SLC8A1: variants seen among roughly 807,000 people sequenced by gnomAD.
The protein encoded by SLC8A1 is solute carrier family 8 member A1.
Under a neutral mutation model 68.3 loss-of-function variants are expected in SLC8A1, and 18 were observed. The observed-to-expected ratio is 0.26, with a 90% CI of 0.18 to 0.39. The LOEUF (loss-of-function observed/expected upper bound fraction) is 0.39, where lower values mean the gene tolerates loss of function less well. Ranked by LOEUF, SLC8A1 falls within the 10% of genes least tolerant of loss-of-function variation. The probability of loss-of-function intolerance (pLI) is 1.00; values close to 1 mark genes in which losing one functional copy is unlikely to be tolerated. For missense variants in SLC8A1, 985 were observed against 1,156.7 expected (o/e 0.85, Z 2.15); for synonymous variants, 475 against 415.5 (o/e 1.14, Z -1.74).
At chr2:40,178,277 T>A in intron 2 of SLC8A1, 110 bp downstream of exon 3, 1 of 825,524 alleles carries the variant, frequency 1.2e-6, no homozygotes, top group Non-Finnish European at 2.1e-6. Context: ...CCCTGTTACA[T>A]AGGTGGAGGG....
chr2:40,442,803 A>G (rs1230358725), intron 1 of SLC8A1, among the ~76,000 whole-genome samples: 1 of 152,210 alleles, frequency 6.6e-6, no homozygotes, highest in African/African-American at 2.4e-5. Flanking sequence ...ACACATGTAC[A>G]CATACGTGTA....
At position 40,470,098 on chromosome 2, in the gene SLC8A1, C is replaced by T. The variant is rs550971080; in HGVS notation, c.-24-39794G>A. On this transcript the variant is annotated intron_variant, in intron 1 of 7. Coordinates refer to the SLC8A1 transcript ENST00000402441. ...TCACTGAATTCTACTTACGCACACT[C>T]TTTCCCTATTTTTCTGCATACTCTT... is the stretch of plus-strand genomic sequence containing the variant. 5.9e-5 allele frequency among the ~76,000 whole-genome samples: 9 copies of T among 152,232 alleles called. No individual in the cohort carries two copies. In the South Asian group the frequency reaches 1.9e-3, roughly 32 times the overall value.
chr2:40,194,508 C>T (rs113623773), intron 2 of SLC8A1, among the ~76,000 whole-genome samples: 16,522 of 107,544 alleles, frequency 0.15, 1,000 homozygotes, highest in Admixed American at 0.22. Context: ...TGTGTGTGTG[C>T]GCGCGCAAAG....
chr2:40,116,856 C>T (rs2035542846), intron 7 of SLC8A1: 1 of 152,202 alleles, frequency 6.6e-6, no homozygotes, highest in Non-Finnish European at 1.5e-5. Flanking sequence ...GGTTGAACAA[C>T]AGTGACTTAA....
intron 2 of SLC8A1, among the ~76,000 whole-genome samples, chr2:40,321,017 G>T (rs1332187505): frequency 6.6e-6 from 1 of 152,108 alleles, no homozygotes; most frequent in East Asian, 1.9e-4. Flanking sequence ...AAGCCACAGG[G>T]AAGAGGCTGT....
intron 2 of SLC8A1, among the ~76,000 whole-genome samples, chr2:40,206,802 A>T (rs992112470): frequency 3.3e-5 from 5 of 152,046 alleles, no homozygotes; most frequent in Admixed American, 6.6e-5. Context: ...CTCAAAAACA[A>T]GTTTTATAAT....
At chr2:40,222,255 G>C (rs556901054) in intron 2 of SLC8A1, among the ~76,000 whole-genome samples, 1 of 152,044 alleles carries the variant, frequency 6.6e-6, no homozygotes, top group East Asian at 1.9e-4. Flanking sequence ...TGACAAACCT[G>C]ACCAAAACAA....
chr2:40,200,249 T>TATAAATATATAA (rs1553408010), intron 2 of SLC8A1, among the ~76,000 whole-genome samples: 2 of 26,980 alleles, frequency 7.4e-5, no homozygotes, highest in Non-Finnish European at 2.1e-4. Context: ...AATATATATA[T>TATAAATATATAA]ATATATATAT....
chr2:40,099,175 C>G (rs2033749329), exon 8 of SLC8A1: 1 of 152,018 alleles, frequency 6.6e-6, no homozygotes, highest in Non-Finnish European at 1.5e-5. Flanking sequence ...ATGTATACCT[C>G]TATTCCCCCA....
intron 1 of SLC8A1, among the ~76,000 whole-genome samples, chr2:40,480,721 C>A (rs1704575073): frequency 6.6e-6 from 1 of 152,114 alleles, no homozygotes; most frequent in African/African-American, 2.4e-5. Flanking sequence ...CTGGGCATGT[C>A]AAGTGCTCTA....
chr2:40,451,642 G>GGCAGGCAC lies in SLC8A1; in HGVS notation c.-25+254_-25+261dup, dbSNP rs1036202908. ...CTCCGGCAGCCTGCACTGGCAGGCA[G>GGCAGGCAC]GCAGGCACCCTCACGCCCAGACGCA... On this transcript the variant is annotated intron_variant, in intron 1 of 7. Transcript: ENST00000406785. Among the ~76,000 whole-genome samples the GGCAGGCAC allele has an allele frequency of 8.5e-5, 13 of 152,062 alleles. No individual in the cohort carries two copies. In the East Asian group the frequency reaches 1.4e-3, roughly 16 times the overall value.
At chr2:40,456,344 T>C (rs1223993291), upstream of SLC8A1, among the ~76,000 whole-genome samples, 4 of 124,852 alleles carry the variant, frequency 3.2e-5, no homozygotes, top group African/African-American at 8.6e-5. Flanking sequence ...AAAAAAAGAA[T>C]TGGGTTTGTA....
At chr2:40,285,908 G>C (rs1294000276) in intron 2 of SLC8A1, among the ~76,000 whole-genome samples, 2 of 152,104 alleles carry the variant, frequency 1.3e-5, no homozygotes, top group African/African-American at 2.4e-5. Flanking sequence ...TTTGCCTGAA[G>C]TTCCTTATAT....
intron 2 of SLC8A1, among the ~76,000 whole-genome samples, chr2:40,413,177 T>C (rs1207555041): frequency 6.6e-6 from 1 of 152,204 alleles, no homozygotes; most frequent in African/African-American, 2.4e-5. Context: ...GTTCAACCAT[T>C]GTGGAAGTCG....
chr2:40,495,880 T>C (rs1274913423), intron 1 of SLC8A1, among the ~76,000 whole-genome samples: 1 of 152,152 alleles, frequency 6.6e-6, no homozygotes, highest in Non-Finnish European at 1.5e-5. Flanking sequence ...TTAGGCTTCG[T>C]CATAAAGAAC....
At chr2:40,262,995 A>G (rs2064904723) in intron 2 of SLC8A1, among the ~76,000 whole-genome samples, 1 of 152,250 alleles carries the variant, frequency 6.6e-6, no homozygotes, top group African/African-American at 2.4e-5. Context: ...AAGGTAAAAT[A>G]TTTTAGCATT....
At chr2:40,452,646 G>C (rs1414576059), upstream of SLC8A1, among the ~76,000 whole-genome samples, 5 of 151,672 alleles carry the variant, frequency 3.3e-5, no homozygotes, top group Non-Finnish European at 7.4e-5. Context: ...TTAGCAAAAG[G>C]ATCTGGGCAT....
chr2:40,471,191 A>G (rs1388804919), intron 1 of SLC8A1, among the ~76,000 whole-genome samples: 1 of 152,130 alleles, frequency 6.6e-6, no homozygotes, highest in Non-Finnish European at 1.5e-5. Flanking sequence ...CCTCTGACAT[A>G]AGTATTGATA....
intron 5 of SLC8A1, among the ~76,000 whole-genome samples, chr2:40,164,225 C>G (rs2046168380): frequency 6.6e-6 from 1 of 152,182 alleles, no homozygotes; most frequent in South Asian, 2.1e-4. Context: ...GCTCCATCCC[C>G]AGGCCCACAC....
Sources: allele counts gnomAD v4.1 joint callset (sites outside exome capture counted in the v4.1 genomes callset), GRCh38; gene constraint gnomAD v4.1.1; transcripts MANE v1.5; gene names NCBI Gene and HGNC (gene_info 2026-07-23, HGNC 2026-07-21).